Variants in IGFBP7 observed in about 807,000 individuals in gnomAD.
IGFBP7 encodes the protein insulin-like growth factor-binding protein 7.
A neutral mutation model predicts 29.4 loss-of-function variants in IGFBP7; 31 were observed. The observed-to-expected ratio is 1.05, with a 90% CI of 0.79 to 1.42. The LOEUF (loss-of-function observed/expected upper bound fraction) is 1.42. IGFBP7 is among the 40% of genes most tolerant of loss of function. The pLI is 0.00. For synonymous variants in IGFBP7, 172 were observed against 174.9 expected, an observed-to-expected ratio of 0.98 and a Z score of 0.13; for missense variants, 393 against 395.5, an observed-to-expected ratio of 0.99 and a Z score of 0.05.
intron 1 of IGFBP7, among the ~76,000 whole-genome samples, chr4:57,108,699 G>GCC: frequency 6.6e-6 from 1 of 151,924 alleles, no homozygotes; most frequent in Middle Eastern, 3.4e-3. Flanking sequence ...GCACCACCAT[G>GCC]CCCAGCTAAT....
At chr4:57,073,004 C>T (rs539068103) in intron 1 of IGFBP7, 1 of 993,420 alleles carries the variant, frequency 1.0e-6, no homozygotes, top group African/African-American at 1.6e-5. Context: ...CATCCACAGC[C>T]TTCGAGGCAA....
At chr4:57,054,509 C>A (rs999398097) in intron 1 of IGFBP7, among the ~76,000 whole-genome samples, 2 of 151,782 alleles carry the variant, frequency 1.3e-5, no homozygotes, top group Non-Finnish European at 2.9e-5. Flanking sequence ...TTTGGTAGCA[C>A]GTGCCTGTAG....
At chr4:57,092,982 A>G (rs1725675380) in intron 1 of IGFBP7, among the ~76,000 whole-genome samples, 1 of 152,172 alleles carries the variant, frequency 6.6e-6, no homozygotes, top group Non-Finnish European at 1.5e-5. Flanking sequence ...TATGGTTAGT[A>G]TGATCAAAAT....
Position 57,030,961 on chromosome 4 carries a change from T to C in IGFBP7, c.*356A>G, listed in dbSNP as rs753642483. 1.3e-6 allele frequency: 2 copies of C among 1,599,686 alleles called. No homozygotes were observed. Among genetic ancestry groups the C allele is most frequent in the Non-Finnish European group, 8.6e-7 (1 of 1,166,804 alleles). ...TGTTTCAGGAACTTATGTCTATGAG[T>C]ATTGCACCGCGAATGATGAGTGTTT... is the stretch of plus-strand genomic sequence containing the variant. On this transcript the variant is annotated 3_prime_UTR_variant, in exon 5 of 5. Transcript: ENST00000295666.
intron 1 of IGFBP7, among the ~76,000 whole-genome samples, chr4:57,043,102 C>A (rs145650326): frequency 1.3e-5 from 2 of 152,296 alleles, no homozygotes; most frequent in East Asian, 3.9e-4. Context: ...TGAACACCAA[C>A]TTTTTAGTTA....
At chr4:57,076,926 A>G (rs1481451087) in intron 1 of IGFBP7, among the ~76,000 whole-genome samples, 1 of 152,258 alleles carries the variant, frequency 6.6e-6, no homozygotes, top group African/African-American at 2.4e-5. Flanking sequence ...TCAGGGATGT[A>G]TCCTTCATCT....
intron 1 of IGFBP7, among the ~76,000 whole-genome samples, chr4:57,068,285 CAAAA>C (rs199520507): frequency 2.7e-5 from 2 of 73,820 alleles, no homozygotes. Context: ...GACCCTGTCT[CAAAA>C]AAAAAAAAAA....
chr4:57,049,388 AC>A (rs1724445129), intron 1 of IGFBP7, among the ~76,000 whole-genome samples: 1 of 149,534 alleles, frequency 6.7e-6, no homozygotes, highest in Non-Finnish European at 1.5e-5. Flanking sequence ...TTCCATTTTT[AC>A]CAATTCACTC....
At chr4:57,037,001 T>G (rs1362261317) in intron 2 of IGFBP7, among the ~76,000 whole-genome samples, 1 of 152,218 alleles carries the variant, frequency 6.6e-6, no homozygotes, top group African/African-American at 2.4e-5. Flanking sequence ...CTTCCCAAGT[T>G]TCCTTAGTTT....
At chr4:57,089,039 T>TA (rs397734783) in intron 1 of IGFBP7, among the ~76,000 whole-genome samples, 4,135 of 133,028 alleles carry the variant, frequency 0.031, 251 homozygotes, top group African/African-American at 0.11. Context: ...CTCAAAAAAA[T>TA]AAAAAAAAAA....
chr4:57,092,927 T>A (rs932514595), intron 1 of IGFBP7, among the ~76,000 whole-genome samples: 2 of 152,030 alleles, frequency 1.3e-5, no homozygotes, highest in South Asian at 4.1e-4. Context: ...ACTCCACATT[T>A]GCAAATTCAC....
chr4:57,040,572 AG>A (rs749771235), intron 2 of IGFBP7, among the ~76,000 whole-genome samples: 22 of 152,358 alleles, frequency 1.4e-4, no homozygotes, highest in Non-Finnish European at 2.9e-4. Flanking sequence ...CACACCCTGA[AG>A]GTGGGTTCAG....
At chr4:57,036,042 A>G (rs1173198340) in intron 2 of IGFBP7, among the ~76,000 whole-genome samples, 2 of 152,218 alleles carry the variant, frequency 1.3e-5, no homozygotes, top group Non-Finnish European at 2.9e-5. Flanking sequence ...GTTAACAAAA[A>G]TTTGGAAACA....
At chr4:57,058,008 G>A (rs780873457) in intron 1 of IGFBP7, among the ~76,000 whole-genome samples, 1 of 152,118 alleles carries the variant, frequency 6.6e-6, no homozygotes, top group Non-Finnish European at 1.5e-5. Context: ...CATATCCATG[G>A]GAGCTTGGCC....
chr4:57,091,993 G>T (rs1489465971), intron 1 of IGFBP7, among the ~76,000 whole-genome samples: 10 of 152,146 alleles, frequency 6.6e-5, no homozygotes, highest in Non-Finnish European at 2.9e-5. Flanking sequence ...TATTATGCAG[G>T]GAAGTTGCAT....
intron 1 of IGFBP7, among the ~76,000 whole-genome samples, chr4:57,043,297 T>C (rs764416924): frequency 2.0e-5 from 3 of 152,218 alleles, no homozygotes; most frequent in Non-Finnish European, 4.4e-5. Context: ...GCATGGTTTC[T>C]TGAATGAATA....
chr4:57,056,670 T>C (rs1724681892), intron 1 of IGFBP7, among the ~76,000 whole-genome samples: 1 of 152,230 alleles, frequency 6.6e-6, no homozygotes, highest in African/African-American at 2.4e-5. Context: ...TCACCCTTGC[T>C]TTTATCAGGC....
chr4:57,089,017 G>A (rs543908347), intron 1 of IGFBP7, among the ~76,000 whole-genome samples: 18 of 131,368 alleles, frequency 1.4e-4, no homozygotes, highest in African/African-American at 4.0e-4. Flanking sequence ...GAGCAACAGA[G>A]TGAGACTCTG....
intron 2 of IGFBP7, among the ~76,000 whole-genome samples, chr4:57,039,752 G>A (rs1724174228): frequency 6.7e-6 from 1 of 150,086 alleles, no homozygotes; most frequent in Non-Finnish European, 1.5e-5. Context: ...AGTCTCCTGA[G>A]TAGCTGGGGC....
Sources: gnomAD v4.1 joint callset for allele counts (sites outside exome capture counted in the v4.1 genomes callset) on GRCh38, gnomAD v4.1.1 for gene constraint, MANE v1.5 for transcripts, NCBI Gene and HGNC (gene_info 2026-07-23, HGNC 2026-07-21) for gene names.